Variants in RANBP2 observed in about 807,000 individuals in gnomAD.
The protein encoded by RANBP2 is E3 SUMO-protein ligase RanBP2.
Under a neutral mutation model 303.6 loss-of-function variants are expected in RANBP2, and 57 were observed. The observed-to-expected ratio is 0.19, with a 90% CI of 0.15 to 0.23. RANBP2 has a LOEUF of 0.23. RANBP2 is among the 10% of genes least tolerant of loss of function. RANBP2 has a pLI of 1.00. For synonymous variants in RANBP2, 1,167 were observed against 1,301.5 expected, an observed-to-expected ratio of 0.90 and a Z score of 2.23; for missense variants, 3,138 against 3,780.8, an observed-to-expected ratio of 0.83 and a Z score of 4.46.
chr2:109,606,273 G>C, the RANBP2 span, among the ~76,000 whole-genome samples: 105 of 152,200 alleles, frequency 6.9e-4, 1 homozygote, highest in African/African-American at 2.5e-3. Flanking sequence ...AAATTAGCTG[G>C]GTGTGGTGGC....
chr2:108,832,292 G>T, the RANBP2 span, among the ~76,000 whole-genome samples: 1 of 151,046 alleles, frequency 6.6e-6, no homozygotes, highest in Non-Finnish European at 1.5e-5. Context: ...CTCCCAAAGT[G>T]CTGAGATTAC....
the RANBP2 span, among the ~76,000 whole-genome samples, chr2:109,240,097 T>C: frequency 6.6e-6 from 1 of 152,186 alleles, no homozygotes; most frequent in Admixed American, 6.5e-5. Context: ...TTGTATTGCA[T>C]AGTGGGTGAA....
chr2:109,528,858 A>G, the RANBP2 span, among the ~76,000 whole-genome samples: 2 of 152,168 alleles, frequency 1.3e-5, no homozygotes, highest in Admixed American at 6.5e-5. Flanking sequence ...GGTCCTTGGA[A>G]GTGACCATGG....
the RANBP2 span, chr2:108,908,136 G>A: frequency 2.3e-5 from 28 of 1,202,518 alleles, no homozygotes; most frequent in South Asian, 4.2e-4. Context: ...GCAATGACTT[G>A]TTTTTCAGGT....
At chr2:109,197,321 A>G in the RANBP2 span, among the ~76,000 whole-genome samples, 1 of 152,092 alleles carries the variant, frequency 6.6e-6, no homozygotes, top group East Asian at 1.9e-4. Context: ...GTTCTGCCTG[A>G]CACAGGAGGG....
the RANBP2 span, among the ~76,000 whole-genome samples, chr2:109,078,123 GTATATATATATA>G: frequency 3.1e-4 from 14 of 45,436 alleles, 3 homozygotes; most frequent in East Asian, 9.2e-3. Flanking sequence ...TATATAGCGT[GTATATATATATA>G]GCGTGTATAT....
intron 7 of RANBP2, among the ~76,000 whole-genome samples, chr2:108,743,213 C>T (rs1573742287): frequency 6.6e-6 from 1 of 152,286 alleles, no homozygotes; most frequent in East Asian, 1.9e-4. Context: ...TTGAACTGGG[C>T]TCAAGCTTCC....
the RANBP2 span, chr2:108,895,221 G>A: frequency 1.3e-5 from 2 of 152,574 alleles, no homozygotes; most frequent in Non-Finnish European, 2.9e-5. Context: ...TACTACATTC[G>A]TTGGTGGGAA....
At chr2:108,743,246 T>C (rs1298799963) in intron 7 of RANBP2, among the ~76,000 whole-genome samples, 1 of 152,160 alleles carries the variant, frequency 6.6e-6, no homozygotes, top group African/African-American at 2.4e-5. Flanking sequence ...ATTGTAGGTG[T>C]GAGCTACTAT....
the RANBP2 span, among the ~76,000 whole-genome samples, chr2:109,122,766 T>A: frequency 1.3e-5 from 2 of 152,054 alleles, no homozygotes; most frequent in Admixed American, 6.5e-5. Flanking sequence ...AGCTACTCAG[T>A]AGGCTGAAGT....
the RANBP2 span, chr2:109,129,360 ACGCAGGCCGGTC>A: frequency 2.6e-6 from 1 of 377,902 alleles, no homozygotes; most frequent in Non-Finnish European, 4.5e-6. Flanking sequence ...GGTCCCCGCC[ACGCAGGCCGGTC>A]GGTGAGCCAC....
chr2:109,103,496 G>A, the RANBP2 span, among the ~76,000 whole-genome samples: 9 of 152,220 alleles, frequency 5.9e-5, no homozygotes, highest in African/African-American at 2.2e-4. Flanking sequence ...TGGGGTGGGG[G>A]CTCACAGGTG....
the RANBP2 span, among the ~76,000 whole-genome samples, chr2:109,387,901 C>T: frequency 6.6e-6 from 1 of 152,086 alleles, no homozygotes; most frequent in Non-Finnish European, 1.5e-5. Context: ...CCGCACACGG[C>T]CCTTCCTGAC....
the RANBP2 span, among the ~76,000 whole-genome samples, chr2:109,673,285 C>T: frequency 6.6e-6 from 1 of 152,134 alleles, no homozygotes; most frequent in Non-Finnish European, 1.5e-5. Context: ...CTTTTTCTTC[C>T]CAGTTGACTG....
the RANBP2 span, among the ~76,000 whole-genome samples, chr2:109,021,748 G>T: frequency 1.3e-5 from 2 of 152,154 alleles, no homozygotes; most frequent in East Asian, 3.9e-4. Context: ...GGGTGTGGAG[G>T]GAGCTGTGAA....
chr2:108,925,571 C>G, the RANBP2 span, among the ~76,000 whole-genome samples: 1 of 152,160 alleles, frequency 6.6e-6, no homozygotes, highest in African/African-American at 2.4e-5. Flanking sequence ...ATGGGTCAAG[C>G]TATGCAACCT....
chr2:109,674,010 T>C, the RANBP2 span, among the ~76,000 whole-genome samples: 1 of 152,160 alleles, frequency 6.6e-6, no homozygotes, highest in South Asian at 2.1e-4. Flanking sequence ...ATACTATCTG[T>C]TTTGTGAAGT....
chr2:109,719,862 A>G, the RANBP2 span, among the ~76,000 whole-genome samples: 1 of 152,214 alleles, frequency 6.6e-6, no homozygotes, highest in African/African-American at 2.4e-5. Flanking sequence ...GCTTGGCCAC[A>G]GTGATGATTA....
the RANBP2 span, among the ~76,000 whole-genome samples, chr2:109,069,302 G>T: frequency 2.0e-5 from 3 of 152,226 alleles, no homozygotes; most frequent in Non-Finnish European, 4.4e-5. Flanking sequence ...CCAGATGTTT[G>T]ATTTGGACAC....
Sources: gnomAD v4.1 joint callset for allele counts (sites outside exome capture counted in the v4.1 genomes callset) on GRCh38, gnomAD v4.1.1 for gene constraint, MANE v1.5 for transcripts, NCBI Gene and HGNC (gene_info 2026-07-23, HGNC 2026-07-21) for gene names.